FSD1L: variants seen among roughly 807,000 people sequenced by gnomAD.
The protein encoded by FSD1L is fibronectin type III and SPRY domain containing 1 like, also known as FSD1-like protein.
Under a neutral mutation model 71.6 loss-of-function variants are expected in FSD1L, and 45 were observed. The ratio of observed to expected loss-of-function variants is 0.63; its 90% CI spans 0.49 to 0.81. FSD1L has a LOEUF of 0.81. Ranked by LOEUF, FSD1L falls within the 30% of genes least tolerant of loss-of-function variation. The pLI, the probability that FSD1L is intolerant of heterozygous loss-of-function variation, is 0.00. For missense variants in FSD1L, 561 were observed against 618.1 expected (o/e 0.91, Z 0.98); for synonymous variants, 197 against 207.2 (o/e 0.95, Z 0.42).
At chr9:105,478,205 A>C (rs1326565715) in intron 5 of FSD1L, among the ~76,000 whole-genome samples, 1 of 152,208 alleles carries the variant, frequency 6.6e-6, no homozygotes, top group Non-Finnish European at 1.5e-5. Flanking sequence ...AGATCGTGCC[A>C]CTGCACTCCA....
chr9:105,526,688 C>T (rs991096441), intron 10 of FSD1L, among the ~76,000 whole-genome samples: 6 of 152,132 alleles, frequency 3.9e-5, no homozygotes, highest in Non-Finnish European at 8.8e-5. Flanking sequence ...TAATTTGTAG[C>T]TTAATATTAA....
chr9:105,526,009 A>C, intron 10 of FSD1L: 1 of 1,534,374 alleles, frequency 6.5e-7, no homozygotes, highest in Non-Finnish European at 9.0e-7. Context: ...CAGGAGAGGA[A>C]TTATTCCCAC....
intron 7 of FSD1L, among the ~76,000 whole-genome samples, chr9:105,502,119 C>G (rs1378438129): frequency 6.6e-6 from 1 of 152,124 alleles, no homozygotes; most frequent in Admixed American, 6.5e-5. Context: ...GCTGTTGTCT[C>G]TAAGTCAAAC....
chr9:105,503,201 G>C lies in FSD1L; in HGVS notation c.587-3198G>C, dbSNP rs550674522. Among the ~76,000 whole-genome samples, 7 of 151,924 alleles carry C rather than the reference G, an allele frequency of 4.6e-5. No individual in the cohort carries two copies. The South Asian group carries it at 1.5e-3, about 32-fold the overall frequency. On this transcript the variant is annotated intron_variant, in intron 7 of 13. Coordinates refer to ENST00000481272, the MANE Select transcript of FSD1L (RefSeq NM_001145313.3). ...CTATGCCCAGCAGAAAAATGTAGTA[G>C]GTTTTAAAAATTCATGAAGGATGCA...
intron 7 of FSD1L, among the ~76,000 whole-genome samples, chr9:105,495,407 C>T (rs903264360): frequency 1.3e-5 from 2 of 152,180 alleles, no homozygotes; most frequent in Admixed American, 1.3e-4. Context: ...GTCTGTCACC[C>T]CTTTCTTTGA....
chr9:105,453,200 G>T (rs1243121039), intron 1 of FSD1L, among the ~76,000 whole-genome samples: 1 of 151,472 alleles, frequency 6.6e-6, no homozygotes, highest in African/African-American at 2.4e-5. Context: ...AATTTTTTTT[G>T]AGACAGAGTC....
Position 105,489,631 on chromosome 9 carries a change from A to G in FSD1L, c.586+5129A>G, listed in dbSNP as rs564594528. On this transcript the variant is annotated intron_variant, in intron 7 of 13. Coordinates refer to ENST00000481272, the MANE Select transcript of FSD1L (RefSeq NM_001145313.3). The stretch of plus-strand genomic sequence containing the variant: ...TAACTCGTCATTTAGCATTAGGTAT[A>G]TCTCCTAAAGCTATCCCTCCCCACT... 2.0e-4 allele frequency among the ~76,000 whole-genome samples: 31 copies of G among 152,222 alleles called. No homozygotes were observed. In the East Asian group the frequency reaches 4.1e-3, roughly 20 times the overall value.
chr9:105,455,745 C>T (rs1485147197), intron 1 of FSD1L, among the ~76,000 whole-genome samples: 2 of 152,166 alleles, frequency 1.3e-5, no homozygotes, highest in Non-Finnish European at 2.9e-5. Context: ...TGTGAAGACT[C>T]ATACTACTTT....
At chr9:105,513,665 AG>A (rs1158583315) in intron 10 of FSD1L, 4 of 1,480,456 alleles carry the variant, frequency 2.7e-6, no homozygotes, top group Admixed American at 4.3e-5. Context: ...TCTAGGACTT[AG>A]TAAAATCTAG....
chr9:105,474,766 A>G (rs1479052732), intron 5 of FSD1L, among the ~76,000 whole-genome samples: 2 of 152,232 alleles, frequency 1.3e-5, no homozygotes, highest in African/African-American at 2.4e-5. Context: ...ATACTTCATT[A>G]TCTTCAAAAA....
chr9:105,500,587 A>G (rs1408404881), intron 7 of FSD1L: 2 of 152,190 alleles, frequency 1.3e-5, no homozygotes, highest in Admixed American at 6.5e-5. Context: ...ATGTATTTCA[A>G]AATACTTCCT....
chr9:105,458,563 C>CA lies in FSD1L; in HGVS notation c.16-2954dup, dbSNP rs536170187. On this transcript the variant is annotated intron_variant, in intron 1 of 13. Coordinates refer to ENST00000481272, the MANE Select transcript of FSD1L (RefSeq NM_001145313.3). ...GCTGAGTCCAGGGTTTTTATGGGCT[C>CA]AAAGTGGGGAAGTGCATGCTGATTG... Among the ~76,000 whole-genome samples the CA allele has an allele frequency of 2.8e-3, 421 of 152,096 alleles. 1 individual carries two copies. Among genetic ancestry groups the CA allele is most frequent in the African/African-American group, 9.7e-3 (401 of 41,480 alleles).
At chr9:105,514,967 C>T (rs1423121867) in intron 10 of FSD1L, among the ~76,000 whole-genome samples, 4 of 152,104 alleles carry the variant, frequency 2.6e-5, no homozygotes, top group Non-Finnish European at 4.4e-5. Context: ...AGCAGTTTTA[C>T]GCAGAGACAC....
At chr9:105,532,926 A>G (rs530574981) in intron 10 of FSD1L, among the ~76,000 whole-genome samples, 19 of 152,190 alleles carry the variant, frequency 1.2e-4, no homozygotes, top group Non-Finnish European at 2.2e-4. Context: ...TAAATAATGC[A>G]GAATGAAGTC....
At chr9:105,512,708 T>C in intron 9 of FSD1L, 99 bp from the exon 10 acceptor site, 2 of 609,524 alleles carry the variant, frequency 3.3e-6, no homozygotes, top group East Asian at 6.4e-5. Flanking sequence ...TATTCAGTAT[T>C]GAATTGATTG....
intron 10 of FSD1L, chr9:105,521,621 G>T: frequency 1.9e-6 from 3 of 1,612,982 alleles, no homozygotes; most frequent in Non-Finnish European, 2.5e-6. Context: ...AAGAAATTGT[G>T]ATCACTTCTT....
chr9:105,461,754 C>CT, intron 2 of FSD1L, 139 bp downstream of exon 2: 1 of 572,432 alleles, frequency 1.7e-6, no homozygotes, highest in Non-Finnish European at 3.1e-6. Context: ...GGGATCATGC[C>CT]TGTAATCCCA....
At chr9:105,513,518 C>A in intron 10 of FSD1L, 2 of 1,175,322 alleles carry the variant, frequency 1.7e-6, no homozygotes, top group Non-Finnish European at 2.4e-6. Flanking sequence ...CCTCAGCAGG[C>A]CTTTAATCTG....
chr9:105,448,168 C>T lies in FSD1L; in HGVS notation c.-53C>T. On this transcript the variant is annotated 5_prime_UTR_variant, in exon 1 of 14. Transcript: ENST00000481272. Reference sequence around the variant, plus strand: ...TGGGGTGTGCGATCTCGCTGAGCCTCCTCACACGGTTCGTCGTCTCGGGTT... The same window carrying T: ...TGGGGTGTGCGATCTCGCTGAGCCTTCTCACACGGTTCGTCGTCTCGGGTT... The T allele has an allele frequency of 6.5e-7, 1 of 1,535,724 alleles. No individual in the cohort carries two copies. Among genetic ancestry groups the T allele is most frequent in the Non-Finnish European group, 8.8e-7 (1 of 1,136,334 alleles).
Sources: gnomAD v4.1 joint callset for allele counts (sites outside exome capture counted in the v4.1 genomes callset) on GRCh38, gnomAD v4.1.1 for gene constraint, MANE v1.5 for transcripts, NCBI Gene and HGNC (gene_info 2026-07-23, HGNC 2026-07-21) for gene names.